Variants in ESR1 observed in about 807,000 individuals in gnomAD.
The protein encoded by ESR1 is estrogen receptor.
In ESR1, 12 loss-of-function variants were observed where a neutral mutation model predicts 52.7. The ratio of observed to expected loss-of-function variants is 0.23; its 90% CI spans 0.15 to 0.37. ESR1 has a LOEUF of 0.37. Ranked by LOEUF, ESR1 falls within the 10% of genes least tolerant of loss-of-function variation. ESR1 has a pLI of 1.00. For missense variants in ESR1, 584 were observed against 779.7 expected, an observed-to-expected ratio of 0.75 and a Z score of 2.99; for synonymous variants, 305 against 316.8, an observed-to-expected ratio of 0.96 and a Z score of 0.39.
At chr6:151,702,638 C>T (rs955085532) in intron 2 of ESR1, among the ~76,000 whole-genome samples, 1 of 152,154 alleles carries the variant, frequency 6.6e-6, no homozygotes, top group South Asian at 2.1e-4. Context: ...TTCAAAACAA[C>T]AGGTAGCAGT....
intron 4 of ESR1, among the ~76,000 whole-genome samples, chr6:151,967,439 G>A (rs1299836299): frequency 6.6e-6 from 1 of 152,074 alleles, no homozygotes; most frequent in Non-Finnish European, 1.5e-5. Context: ...GTGGTGTTTG[G>A]TTTTCTCTTC....
intron 5 of ESR1, among the ~76,000 whole-genome samples, chr6:152,054,415 A>G (rs891152769): frequency 6.6e-6 from 1 of 152,106 alleles, no homozygotes; most frequent in Non-Finnish European, 1.5e-5. Context: ...GATTTTCAGA[A>G]TAGCCCTGAT....
chr6:152,050,296 C>A (rs1165109512), intron 5 of ESR1, among the ~76,000 whole-genome samples: 1 of 152,154 alleles, frequency 6.6e-6, no homozygotes, highest in Non-Finnish European at 1.5e-5. Context: ...GGGAAGATAG[C>A]ACTGGCTTTC....
At chr6:152,084,988 A>G (rs1429022843) in intron 6 of ESR1, among the ~76,000 whole-genome samples, 1 of 152,222 alleles carries the variant, frequency 6.6e-6, no homozygotes, top group Admixed American at 6.5e-5. Context: ...CGCTGACTGC[A>G]TGGATGAGAG....
intron 2 of ESR1, among the ~76,000 whole-genome samples, chr6:151,876,699 C>T (rs559261225): frequency 6.3e-4 from 96 of 152,250 alleles, no homozygotes; most frequent in African/African-American, 2.1e-3. Flanking sequence ...TACTGAGAGG[C>T]GTTTTCTCTC....
At position 151,808,092 on chromosome 6, in the gene ESR1, C is replaced by T. The variant is rs750785561; in HGVS notation, c.180C>T (p.Tyr60=). ...AVYNYPEGAA[Y]EFNAAAAANA... ...ACAACTACCCCGAGGGCGCCGCCTA[C>T]GAGTTCAACGCCGCGGCCGCCGCCA... Residue 60 remains tyrosine (Y), a synonymous_variant, in exon 1 of 8, where the codon TAC becomes TAT. Transcript: ENST00000206249. 6.2e-7 allele frequency: 1 copy of T among 1,612,506 alleles called. No individual in the cohort carries two copies. The highest frequency in any genetic ancestry group is 1.1e-5 in the South Asian group (1 of 90,936).
intron 3 of ESR1, among the ~76,000 whole-genome samples, chr6:151,912,225 C>A (rs548327263): frequency 6.6e-6 from 1 of 152,288 alleles, no homozygotes; most frequent in South Asian, 2.1e-4. Context: ...GTCTGATAGG[C>A]GCTGTATCTT....
intron 4 of ESR1, among the ~76,000 whole-genome samples, chr6:151,979,488 T>C (rs2039787605): frequency 6.6e-6 from 1 of 152,182 alleles, no homozygotes. Context: ...ATTAGTCTCA[T>C]AATCATAAGA....
intron 4 of ESR1, 28 bp downstream of exon 4, chr6:151,944,536 A>C (rs2035478161): frequency 1.3e-6 from 2 of 1,593,606 alleles, no homozygotes; most frequent in Non-Finnish European, 1.7e-6. Flanking sequence ...AGCTTTTAAG[A>C]GTCAATAGCT....
chr6:151,698,912 A>G (rs542801842), intron 1 of ESR1, among the ~76,000 whole-genome samples: 2 of 152,246 alleles, frequency 1.3e-5, no homozygotes, highest in East Asian at 3.9e-4. Flanking sequence ...GGATCACTCA[A>G]TCTTCACAAA....
At chr6:151,660,155 T>G (rs1386893398) in intron 1 of ESR1, among the ~76,000 whole-genome samples, 1 of 152,174 alleles carries the variant, frequency 6.6e-6, no homozygotes. Context: ...TATAGGAAAA[T>G]GTAAAATTCC....
chr6:151,787,562 C>G (rs1290387), intron 2 of ESR1, among the ~76,000 whole-genome samples: 3,369 of 152,188 alleles, frequency 0.022, 58 homozygotes, highest in South Asian at 0.052. Context: ...AATTTCACCT[C>G]CCGGGTTAGC....
At chr6:151,866,785 C>T (rs1464993293) in intron 2 of ESR1, among the ~76,000 whole-genome samples, 1 of 152,186 alleles carries the variant, frequency 6.6e-6, no homozygotes, top group African/African-American at 2.4e-5. Flanking sequence ...CTGCAGTAAA[C>T]ATACGTGTGC....
intron 3 of ESR1, among the ~76,000 whole-genome samples, chr6:151,886,805 C>A (rs1793920187): frequency 6.6e-6 from 1 of 152,028 alleles, no homozygotes; most frequent in Admixed American, 6.6e-5. Flanking sequence ...TTTTGGGAGG[C>A]CGAGGCGGGT....
At chr6:151,911,281 T>G (rs1484422786) in intron 3 of ESR1, among the ~76,000 whole-genome samples, 1 of 152,242 alleles carries the variant, frequency 6.6e-6, no homozygotes, top group Non-Finnish European at 1.5e-5. Flanking sequence ...GCATATTTTA[T>G]CAAAAAGGCT....
rs575332252 is a variant in ESR1, at chr6:151,864,334, A to G, written c.644-16321A>G. ...TTTATGCAGCCAACAGACACATGAAAAAATGCTCATCATCATTGGCCATCA... is the reference window on the plus strand; with the variant it reads ...TTTATGCAGCCAACAGACACATGAAGAAATGCTCATCATCATTGGCCATCA... On this transcript the variant is annotated intron_variant, in intron 2 of 7. Transcript: ENST00000206249. 3.3e-5 allele frequency among the ~76,000 whole-genome samples: 5 copies of G among 152,352 alleles called. No individual in the cohort carries two copies. In the South Asian group the frequency reaches 1.0e-3, roughly 32 times the overall value.
Position 151,795,991 on chromosome 6 carries a change from A to G in ESR1, c.-70-11852A>G, listed in dbSNP as rs887542534. 5.4e-5 allele frequency among the ~76,000 whole-genome samples: 5 copies of G among 92,582 alleles called. No individual in the cohort carries two copies. In the Admixed American group the frequency reaches 5.5e-4, roughly 10 times the overall value. 60.7% of individuals were successfully genotyped at this position (92,582 alleles called of 152,430 possible). ...GTGAAACCCCATCTCTTCTAAAAAT[A>G]CCAAAAAAAAAAAACCAAAACACAA... On this transcript the variant is annotated intron_variant, in intron 2 of 2. Coordinates refer to the ESR1 transcript ENST00000404742.
At chr6:152,006,829 G>A (rs2042369416) in intron 4 of ESR1, among the ~76,000 whole-genome samples, 1 of 151,968 alleles carries the variant, frequency 6.6e-6, no homozygotes, top group Non-Finnish European at 1.5e-5. Flanking sequence ...TTGAAGGTCA[G>A]GAAACCAATA....
intron 3 of ESR1, among the ~76,000 whole-genome samples, chr6:151,928,670 A>AT (rs1438187868): frequency 6.6e-6 from 1 of 151,388 alleles, no homozygotes; most frequent in African/African-American, 2.4e-5. Flanking sequence ...GATATTATAT[A>AT]TTTTTCTTAT....
Sources: gnomAD v4.1 joint callset for allele counts (sites outside exome capture counted in the v4.1 genomes callset) on GRCh38, gnomAD v4.1.1 for gene constraint, MANE v1.5 for transcripts, NCBI Gene and HGNC (gene_info 2026-07-23, HGNC 2026-07-21) for gene names.